STX11: variants seen among roughly 807,000 people sequenced by gnomAD.
STX11 encodes syntaxin 11.
In STX11, 21 loss-of-function variants were observed where a neutral mutation model predicts 19.9. The ratio of observed to expected loss-of-function variants is 1.06; its 90% CI spans 0.75 to 1.52. The LOEUF is 1.52. STX11 is among the 40% of genes most tolerant of loss of function. The pLI is 0.00. For missense variants in STX11, 438 were observed against 405.9 expected, an observed-to-expected ratio of 1.08 and a Z score of -0.68; for synonymous variants, 193 against 174.4, an observed-to-expected ratio of 1.11 and a Z score of -0.84.
chr6:144,146,994 T>C (rs1800885578), upstream of STX11, among the ~76,000 whole-genome samples: 1 of 152,218 alleles, frequency 6.6e-6, no homozygotes, highest in African/African-American at 2.4e-5. This position sits in a 1 kb window ranked among gnomAD's most constrained non-coding sequence, Gnocchi z 4.4. Context: ...AGGGATGAAC[T>C]CTTTCTTCTG....
Position 144,182,800 on chromosome 6 carries a change from G to T in STX11, c.-5-3823G>T, listed in dbSNP as rs532849573. 3.3e-5 allele frequency among the ~76,000 whole-genome samples: 5 copies of T among 152,154 alleles called. No individual in the cohort carries two copies. Among genetic ancestry groups the T allele is most frequent in the Non-Finnish European group, 7.3e-5 (5 of 68,042 alleles). ...TCTACCCATTTCCTTCCATTGAAGT[G>T]CCTTGTAAGGCTTGGCCAACATGTA... On this transcript the variant is annotated intron_variant, in intron 1 of 1. Coordinates refer to ENST00000367568, the MANE Select transcript of STX11 (RefSeq NM_003764.4). This position sits in a 1 kb window ranked among gnomAD's most constrained non-coding sequence, Gnocchi z 4.8.
rs2128751901 is a variant in STX11 at position 144,172,061 on chromosome 6, A to G, written c.-5-14562A>G. 6.6e-6 allele frequency among the ~76,000 whole-genome samples: 1 copy of G among 152,308 alleles called. No individual in the cohort carries two copies. Among genetic ancestry groups the G allele is most frequent in the South Asian group, 2.1e-4 (1 of 4,828 alleles). ...ACTTTCCAGAAATTATAATTTATCC[A>G]TGATTCACAGCAGCCTCCATGTCTT... is the stretch of plus-strand genomic sequence containing the variant. On this transcript the variant is annotated intron_variant, in intron 1 of 1. Coordinates refer to ENST00000367568, the MANE Select transcript of STX11 (RefSeq NM_003764.4). This position sits in a 1 kb window ranked among gnomAD's most constrained non-coding sequence, Gnocchi z 4.2.
intron 1 of STX11, among the ~76,000 whole-genome samples, chr6:144,163,470 A>G (rs1801397678): frequency 6.6e-6 from 1 of 151,798 alleles, no homozygotes; most frequent in Admixed American, 6.6e-5. Context: ...TTATTTTTAA[A>G]ATTTTTTTTT....
rs546044901 is a variant in STX11 at position 144,155,088 on chromosome 6, A to G, written c.-6+4385A>G. Among the ~76,000 whole-genome samples the G allele has an allele frequency of 3.9e-5, 6 of 152,298 alleles. No homozygotes were observed. The South Asian group carries it at 1.2e-3, about 32-fold the overall frequency. On this transcript the variant is annotated intron_variant, in intron 1 of 1. Coordinates refer to ENST00000367568, the MANE Select transcript of STX11 (RefSeq NM_003764.4). The surrounding 1 kb of genome is among the most constrained non-coding windows in gnomAD (Gnocchi z 4.5). Reference sequence around the variant, plus strand: ...TCTAGGAAGAAACTGGAATAATCAGACCTTTTCTCCTGGGAATTTACATTT... The same window carrying G: ...TCTAGGAAGAAACTGGAATAATCAGGCCTTTTCTCCTGGGAATTTACATTT...
At position 144,162,366 on chromosome 6, in the gene STX11, C is replaced by T. The variant is rs1157497757; in HGVS notation, c.-6+11663C>T. On this transcript the variant is annotated intron_variant, in intron 1 of 1. Coordinates refer to ENST00000367568, the MANE Select transcript of STX11 (RefSeq NM_003764.4). The surrounding 1 kb of genome is among the most constrained non-coding windows in gnomAD (Gnocchi z 4.6). ...AGACCAATTATCATTTATCCATTTG[C>T]TTCATAATTTCCAACATTGTGTTGC... Among the ~76,000 whole-genome samples, 1 of 152,176 alleles carries T rather than the reference C, an allele frequency of 6.6e-6. No individual in the cohort carries two copies. The highest frequency in any genetic ancestry group is 1.5e-5 in the Non-Finnish European group (1 of 68,034).
Position 144,155,154 on chromosome 6 carries a change from A to G in STX11, c.-6+4451A>G, listed in dbSNP as rs1322452. ...GAAGATTCCCAGAGCTTCAACCATTATGTCCACAAAGCTGCCTTGGTTATC... is the reference window on the plus strand; with the variant it reads ...GAAGATTCCCAGAGCTTCAACCATTGTGTCCACAAAGCTGCCTTGGTTATC... On this transcript the variant is annotated intron_variant, in intron 1 of 1. Transcript: ENST00000367568. This position sits in a 1 kb window ranked among gnomAD's most constrained non-coding sequence, Gnocchi z 4.5. Among the ~76,000 whole-genome samples the G allele has an allele frequency of 0.48, 73,228 of 151,990 alleles. 18,548 individuals carry two copies. The highest frequency in any genetic ancestry group is 0.65 in the African/African-American group (27,018 of 41,428).
chr6:144,150,006 G>A (rs960236028), upstream of STX11, among the ~76,000 whole-genome samples: 2 of 152,202 alleles, frequency 1.3e-5, no homozygotes, highest in East Asian at 1.9e-4. Context: ...GAGGCCGACT[G>A]GAGAGAGGTT....
chr6:144,183,053 G>A lies in STX11; in HGVS notation c.-5-3570G>A, dbSNP rs1331388644. Among the ~76,000 whole-genome samples the A allele has an allele frequency of 2.6e-5, 4 of 152,150 alleles. No homozygotes were observed. The highest frequency in any genetic ancestry group is 5.9e-5 in the Non-Finnish European group (4 of 68,022). On this transcript the variant is annotated intron_variant, in intron 1 of 1. Transcript: ENST00000367568. The surrounding 1 kb of genome is among the most constrained non-coding windows in gnomAD (Gnocchi z 4.6). ...TTGCTAAGGAGTTAGTCCTTTAAACGAATAGTATTTATTGTTTTATGGGGG... is the reference window on the plus strand; with the variant it reads ...TTGCTAAGGAGTTAGTCCTTTAAACAAATAGTATTTATTGTTTTATGGGGG...
At chr6:144,149,228 A>G (rs1244123498), upstream of STX11, among the ~76,000 whole-genome samples, 1 of 152,242 alleles carries the variant, frequency 6.6e-6, no homozygotes, top group Non-Finnish European at 1.5e-5. The surrounding 1 kb of genome is among the most constrained non-coding windows in gnomAD (Gnocchi z 5.1). Context: ...CATGATCTAC[A>G]TAAATTATTT....
chr6:144,150,679 G>A lies in STX11; in HGVS notation c.-30G>A, dbSNP rs556516444. ...GCCCTGCCGGGAGAGGGGCTTCTCG[G>A]TTCGCACTCTCGCTCCCAGTCCAGG... On this transcript the variant is annotated 5_prime_UTR_variant, in exon 1 of 2. Coordinates refer to ENST00000367568, the MANE Select transcript of STX11 (RefSeq NM_003764.4). 15 of 984,838 alleles carry A rather than the reference G, an allele frequency of 1.5e-5. No individual in the cohort carries two copies. The African/African-American group carries it at 2.5e-4, about 16-fold the overall frequency. The allele number at this position is 984,838 out of a possible 1,614,324, so 61.0% of individuals were successfully genotyped here.
rs751781378 is a variant in STX11, at chr6:144,187,523, A to C, written c.*32A>C. On this transcript the variant is annotated 3_prime_UTR_variant, in exon 2 of 2. Transcript: ENST00000367568. This position sits in a 1 kb window ranked among gnomAD's most constrained non-coding sequence, Gnocchi z 5.6. Reference sequence around the variant, plus strand: ...GGCCCGGGCCGCCACCGCCCATCCCAGACCATGGAGCGCGCTGGGAAGGAC... The same window carrying C: ...GGCCCGGGCCGCCACCGCCCATCCCCGACCATGGAGCGCGCTGGGAAGGAC... 2 of 1,611,450 alleles carry C rather than the reference A, an allele frequency of 1.2e-6. No homozygotes were observed. The highest frequency in any genetic ancestry group is 2.7e-5 in the African/African-American group (2 of 74,882).
rs1258980178 is a variant in STX11 at position 144,187,811 on chromosome 6, T to A, written c.*320T>A. On this transcript the variant is annotated 3_prime_UTR_variant, in exon 2 of 2. Transcript: ENST00000367568. This position sits in a 1 kb window ranked among gnomAD's most constrained non-coding sequence, Gnocchi z 5.6. ...GTTGTATCTGACTGTAGGGTGAATG[T>A]CTGAGGCCTGCCTCCTAATAAAGAC... The A allele has an allele frequency of 2.1e-6, 1 of 468,682 alleles. No homozygotes were observed. The highest frequency in any genetic ancestry group is 4.0e-6 in the Non-Finnish European group (1 of 251,248). The allele number at this position is 468,682 out of a possible 1,614,324, so 29.0% of individuals were successfully genotyped here. A position where few individuals can be genotyped will look rare whatever the true frequency, so the allele number is the denominator to read the frequency against.
chr6:144,157,737 C>G (rs1316552321), intron 1 of STX11, among the ~76,000 whole-genome samples: 5 of 152,158 alleles, frequency 3.3e-5, no homozygotes, highest in Non-Finnish European at 5.9e-5. Flanking sequence ...AGTGGCTAAA[C>G]TCAGCCACCC....
rs1802085900 is a variant in STX11, at chr6:144,187,361, T to C, written c.734T>C (p.Ile245Thr). The C allele has an allele frequency of 1.9e-6, 3 of 1,610,208 alleles. No homozygotes were observed. The highest frequency in any genetic ancestry group is 1.3e-5 in the African/African-American group (1 of 74,890). ...VEKQADTLNVIELNVQKTVDY... is the reference protein window; with the variant it reads ...VEKQADTLNVTELNVQKTVDY... ...AAGCAGGCCGACACCCTGAACGTCATCGAGCTCAACGTACAAAAGACGGTC... is the reference window on the plus strand; with the variant it reads ...AAGCAGGCCGACACCCTGAACGTCACCGAGCTCAACGTACAAAAGACGGTC... Residue 245 changes from isoleucine to threonine, a missense_variant, in exon 2 of 2, where the codon ATC becomes ACC. Transcript: ENST00000367568. This position sits in a 1 kb window ranked among gnomAD's most constrained non-coding sequence, Gnocchi z 5.6.
chr6:144,172,835 A>G lies in STX11; in HGVS notation c.-5-13788A>G, dbSNP rs184593983. ...AGGCTGTCTTTCCCATACACATCCA[A>G]CATATAATGATGAGATAGGAAAAGG... On this transcript the variant is annotated intron_variant, in intron 1 of 1. Coordinates refer to ENST00000367568, the MANE Select transcript of STX11 (RefSeq NM_003764.4). This position sits in a 1 kb window ranked among gnomAD's most constrained non-coding sequence, Gnocchi z 4.2. Among the ~76,000 whole-genome samples, 4 of 152,148 alleles carry G rather than the reference A, an allele frequency of 2.6e-5. No individual in the cohort carries two copies. The highest frequency in any genetic ancestry group is 4.8e-5 in the African/African-American group (2 of 41,490).
chr6:144,188,484 C>T lies in STX11; in HGVS notation c.*993C>T, dbSNP rs187057501. 5.9e-4 allele frequency: 130 copies of T among 219,860 alleles called. No homozygotes were observed. The highest frequency in any genetic ancestry group is 9.4e-4 in the Non-Finnish European group (95 of 100,622). 13.6% of individuals were successfully genotyped at this position (219,860 alleles called of 1,614,324 possible). ...TTAAACAACTCTGCATTGGTTATGG[C>T]GGTAGACATATGGCGGTAGAAAATG... is the stretch of plus-strand genomic sequence containing the variant. On this transcript the variant is annotated 3_prime_UTR_variant, in exon 2 of 2. Transcript: ENST00000367568.
rs752472574 is a variant in STX11, at chr6:144,175,215, C to T, written c.-5-11408C>T. On this transcript the variant is annotated intron_variant, in intron 1 of 1. Coordinates refer to ENST00000367568, the MANE Select transcript of STX11 (RefSeq NM_003764.4). The surrounding 1 kb of genome is among the most constrained non-coding windows in gnomAD (Gnocchi z 5.1). The stretch of plus-strand genomic sequence containing the variant: ...CCATGATTGTGCCACTGTACTCCAG[C>T]CTGGGCAACAGAGCGAGACCCTGTG... Among the ~76,000 whole-genome samples the T allele has an allele frequency of 3.3e-5, 5 of 152,146 alleles. No homozygotes were observed. Among genetic ancestry groups the T allele is most frequent in the Non-Finnish European group, 5.9e-5 (4 of 68,028 alleles).
At chr6:144,186,054 C>CTT (rs59082171) in intron 1 of STX11, among the ~76,000 whole-genome samples, 1,555 of 138,296 alleles carry the variant, frequency 0.011, 44 homozygotes, top group African/African-American at 0.039. Flanking sequence ...CTTCTTTTTT[C>CTT]TTTTTTTTTT....
rs566236295 is a variant in STX11 at position 144,167,405 on chromosome 6, A to G, written c.-6+16702A>G. Among the ~76,000 whole-genome samples, 1 of 152,326 alleles carries G rather than the reference A, an allele frequency of 6.6e-6. No individual in the cohort carries two copies. The highest frequency in any genetic ancestry group is 6.5e-5 in the Admixed American group (1 of 15,298). ...TAAACACGAAATTTATGTTTCATAT[A>G]TACCTATACACATAGCCTGAAGATA... On this transcript the variant is annotated intron_variant, in intron 1 of 1. Transcript: ENST00000367568. This position sits in a 1 kb window ranked among gnomAD's most constrained non-coding sequence, Gnocchi z 5.0.
Sources: allele counts gnomAD v4.1 joint callset (sites outside exome capture counted in the v4.1 genomes callset), GRCh38; gene constraint gnomAD v4.1.1; non-coding constraint Gnocchi (gnomAD v3.1); transcripts MANE v1.5; gene names NCBI Gene and HGNC (gene_info 2026-07-23, HGNC 2026-07-21).